The following NRAP variants were observed in gnomAD, a reference collection of about 807,000 sequenced individuals.
NRAP encodes the protein nebulin-related-anchoring protein.
NRAP carries 189 observed loss-of-function variants against 225.9 expected under a neutral mutation model. The ratio of observed to expected loss-of-function variants is 0.84; its 90% confidence interval spans 0.74 to 0.94. The LOEUF (loss-of-function observed/expected upper bound fraction) is 0.94. Among genes scored for constraint, NRAP ranks in the 40% least tolerant of loss-of-function variants. The pLI, the probability that NRAP is intolerant of heterozygous loss-of-function variation, is 0.00. For missense variants in NRAP, 2,176 were observed against 2,168.7 expected, an observed-to-expected ratio of 1.00 and a Z score of -0.07; for synonymous variants, 769 against 790.7, an observed-to-expected ratio of 0.97 and a Z score of 0.46.
intron 30 of NRAP, among the ~76,000 whole-genome samples, chr10:113,610,848 G>T (rs543407145): frequency 6.6e-6 from 1 of 152,272 alleles, no homozygotes; most frequent in Non-Finnish European, 1.5e-5. Context: ...TTTAATGTGG[G>T]CTATCAAAAA....
chr10:113,658,811 G>A (rs1592883569), intron 3 of NRAP, among the ~76,000 whole-genome samples: 1 of 151,146 alleles, frequency 6.6e-6, no homozygotes, highest in Non-Finnish European at 1.5e-5. Context: ...GAACCCAGGA[G>A]GCGGAGGTTG....
chr10:113,619,164 T>A (rs1269025673), intron 25 of NRAP, among the ~76,000 whole-genome samples: 1 of 152,190 alleles, frequency 6.6e-6, no homozygotes, highest in African/African-American at 2.4e-5. Context: ...GTGGGATACA[T>A]GGTCCCCTGA....
At chr10:113,612,946 T>C (rs1264376387) in intron 29 of NRAP, among the ~76,000 whole-genome samples, 1 of 152,088 alleles carries the variant, frequency 6.6e-6, no homozygotes, top group Non-Finnish European at 1.5e-5. Flanking sequence ...GCCTCAGGGA[T>C]AGGCATTCCC....
chr10:113,610,843 T>C (rs373542296), intron 30 of NRAP, among the ~76,000 whole-genome samples: 1 of 152,226 alleles, frequency 6.6e-6, no homozygotes, highest in Non-Finnish European at 1.5e-5. Context: ...TTTATTTTAA[T>C]GTGGGCTATC....
At chr10:113,606,766 T>C (rs1350170141) in intron 32 of NRAP, among the ~76,000 whole-genome samples, 1 of 152,186 alleles carries the variant, frequency 6.6e-6, no homozygotes, top group African/African-American at 2.4e-5. Flanking sequence ...TCCATTCTTA[T>C]GATTAGAAAT....
chr10:113,625,378 G>A (rs1185600905), intron 21 of NRAP, among the ~76,000 whole-genome samples: 1 of 152,186 alleles, frequency 6.6e-6, no homozygotes, highest in Non-Finnish European at 1.5e-5. Context: ...ACCAGGAAGT[G>A]AGCATGCGTG....
intron 38 of NRAP, among the ~76,000 whole-genome samples, chr10:113,595,292 G>A (rs968867762): frequency 4.6e-5 from 7 of 152,112 alleles, no homozygotes; most frequent in Admixed American, 4.6e-4. Flanking sequence ...AAGAGCAGGT[G>A]TCTACACCCA....
chr10:113,650,007 A>G, intron 9 of NRAP, 30 bp downstream of exon 9: 2 of 1,253,050 alleles, frequency 1.6e-6, no homozygotes, highest in Non-Finnish European at 2.4e-6. Context: ...CATGGAAAAG[A>G]GCAGGTCAGG....
At chr10:113,659,530 G>T (rs1850531205) in intron 3 of NRAP, among the ~76,000 whole-genome samples, 1 of 152,144 alleles carries the variant, frequency 6.6e-6, no homozygotes, top group African/African-American at 2.4e-5. Context: ...CACTGGGGAG[G>T]GTTTGCCTCC....
In NRAP at chr10:113,645,867, C is replaced by A. The variant is rs763421999; in HGVS notation, c.1068G>T (p.Leu356Phe). 1.9e-6 allele frequency: 3 copies of A among 1,610,756 alleles called. No homozygotes were observed. The highest frequency in any genetic ancestry group is 1.3e-5 in the African/African-American group (1 of 74,764). Reference sequence around the variant, plus strand: ...TTACGCTCTGAGCCTGTTTGAGAACCAAGTTGTCTTGAGCTGGAAGCGAGT... The same window carrying A: ...TTACGCTCTGAGCCTGTTTGAGAACAAAGTTGTCTTGAGCTGGAAGCGAGT... ...HYHSLPAQDN[L>F]VLKQAQSVNK... The change falls in exon 11 of 42, where the codon TTG (leucine) becomes TTT (phenylalanine). Residue 356 changes from leucine to phenylalanine, a missense_variant. Leu to Phe is a conservative substitution (Grantham distance 22). Coordinates refer to ENST00000359988, the MANE Select transcript of NRAP (RefSeq NM_198060.4).
At chr10:113,619,619 CA>C (rs33990694) in intron 25 of NRAP, among the ~76,000 whole-genome samples, 85,075 of 142,862 alleles carry the variant, frequency 0.6, 25,996 homozygotes, top group East Asian at 0.74. Context: ...AAAGACTCCT[CA>C]AAAAAAAAAA....
chr10:113,647,552 T>TCTCCCCCAGTGGTACTGC (rs1564752589), intron 9 of NRAP, among the ~76,000 whole-genome samples: 5 of 62,414 alleles, frequency 8.0e-5, no homozygotes, highest in African/African-American at 2.2e-4. Flanking sequence ...GGTGGTACTG[T>TCTCCCCCAGTGGTACTGC]CTCCCCCAGT....
intron 38 of NRAP, among the ~76,000 whole-genome samples, chr10:113,594,863 A>G (rs1372713211): frequency 6.6e-6 from 1 of 152,234 alleles, no homozygotes; most frequent in Non-Finnish European, 1.5e-5. Context: ...TGGCCAGGCC[A>G]GGGAGGGAAG....
At chr10:113,607,446 GAAAGA>G (rs1455961110) in intron 32 of NRAP, among the ~76,000 whole-genome samples, 1 of 93,338 alleles carries the variant, frequency 1.1e-5, no homozygotes, top group African/African-American at 3.8e-5. Context: ...AGAAAAGAAA[GAAAGA>G]AAAGAAAAAG....
intron 8 of NRAP, 41 bp downstream of exon 8, chr10:113,650,397 C>T (rs1227388074): frequency 1.4e-6 from 2 of 1,439,784 alleles, no homozygotes; most frequent in East Asian, 2.3e-5. Flanking sequence ...GTTCACATTC[C>T]TCTTTCTCCC....
rs761220389 is a variant in NRAP at position 113,650,561 on chromosome 10, A to G, written c.676-16T>C. ...TGTATCTCACCTGAAATGAAAAAACATGTGAATCACATGCCCCATGTTTAT... is the reference window on the plus strand; with the variant it reads ...TGTATCTCACCTGAAATGAAAAAACGTGTGAATCACATGCCCCATGTTTAT... On this transcript the variant is annotated splice_polypyrimidine_tract_variant and intron_variant, in intron 7 of 41. Transcript: ENST00000359988. 3 of 1,525,062 alleles carry G rather than the reference A, an allele frequency of 2.0e-6. No homozygotes were observed. The highest frequency in any genetic ancestry group is 1.4e-5 in the African/African-American group (1 of 73,162). 94.5% of individuals were successfully genotyped at this position (1,525,062 alleles called of 1,614,324 possible). A position where few individuals can be genotyped will look rare whatever the true frequency, so the allele number is the denominator to read the frequency against.
intron 22 of NRAP, 31 bp from the exon 23 acceptor site, chr10:113,623,667 G>A (rs1170505554): frequency 6.9e-7 from 1 of 1,458,850 alleles, no homozygotes; most frequent in South Asian, 1.2e-5. Context: ...AGGTGAGTGG[G>A]TTTTCATGTG....
chr10:113,663,539 G>A, intron 1 of NRAP, 93 bp from the exon 2 acceptor site: 1 of 799,868 alleles, frequency 1.3e-6, no homozygotes, highest in Non-Finnish European at 2.0e-6. Context: ...GAACTTCGAG[G>A]ATAAAATGCT....
At position 113,590,854 on chromosome 10, in the gene NRAP, G is replaced by C. The variant is rs139898833; in HGVS notation, c.4680C>G (p.Gly1560=). The C allele has an allele frequency of 1.2e-6, 2 of 1,614,012 alleles. No individual in the cohort carries two copies. The highest frequency in any genetic ancestry group is 1.3e-5 in the African/African-American group (1 of 74,916). The change falls in exon 40 of 42, where the codon GGC becomes GGG. Residue 1560 remains glycine (G), a synonymous_variant. Transcript: ENST00000359988. ...RYKEAFLRDR[G]LQIGYRSVDD... ...CGACACTGCGGTACCCGATCTGCAG[G>C]CCTCGGTCCCGCAGGAAAGCCTCTT...
Sources: allele counts gnomAD v4.1 joint callset (sites outside exome capture counted in the v4.1 genomes callset), GRCh38; gene constraint gnomAD v4.1.1; transcripts MANE v1.5; gene names NCBI Gene and HGNC (gene_info 2026-07-23, HGNC 2026-07-21).